The following ZNF398 variants were observed in gnomAD, a reference collection of about 807,000 sequenced individuals.
ZNF398 encodes the protein zinc finger DNA binding protein ZER6.
A neutral mutation model predicts 41.9 loss-of-function variants in ZNF398; 18 were observed. The ratio of observed to expected loss-of-function variants is 0.43; its 90% CI spans 0.30 to 0.64. ZNF398 has a LOEUF of 0.64. Ranked by LOEUF, ZNF398 falls within the 30% of genes least tolerant of loss-of-function variation. ZNF398 has a pLI of 0.14. For missense variants in ZNF398, 669 were observed against 822.8 expected (o/e 0.81, Z 2.29); for synonymous variants, 260 against 308.8 (o/e 0.84, Z 1.66).
In ZNF398 at chr7:149,178,159, G is replaced by A. The variant is rs1795502999; in HGVS notation, c.776-489G>A. On this transcript the variant is annotated intron_variant, in intron 5 of 5. Coordinates refer to ENST00000475153, the MANE Select transcript of ZNF398 (RefSeq NM_170686.3). ...ACAAAAAAATTAGTTGGGCGTAGTG[G>A]CGGGTGCCTGTAGTCCCAGCTACTC... Among the ~76,000 whole-genome samples, 3 of 152,056 alleles carry A rather than the reference G, an allele frequency of 2.0e-5. No individual in the cohort carries two copies. In the South Asian group the frequency reaches 6.2e-4, roughly 31 times the overall value.
intron 2 of ZNF398, among the ~76,000 whole-genome samples, chr7:149,134,606 A>T (rs1826673146): frequency 6.6e-6 from 1 of 152,170 alleles, no homozygotes; most frequent in Admixed American, 6.6e-5. Flanking sequence ...TTCAACTCTG[A>T]GTACTTTTAA....
At chr7:149,176,071 G>A (rs1020318192) in intron 4 of ZNF398, among the ~76,000 whole-genome samples, 7 of 152,162 alleles carry the variant, frequency 4.6e-5, no homozygotes, top group African/African-American at 1.7e-4. Flanking sequence ...GGTGGCTCAA[G>A]CCTGTAATCC....
At chr7:149,141,447 CTTTTTTTTCTT>C (rs1417254726) in intron 2 of ZNF398, among the ~76,000 whole-genome samples, 1,428 of 116,864 alleles carry the variant, frequency 0.012, 31 homozygotes, top group African/African-American at 0.038. Context: ...AGCTACTTTT[CTTTTTTTTCTT>C]TTTTTTTTTT....
intron 1 of ZNF398, among the ~76,000 whole-genome samples, chr7:149,149,872 C>A (rs1279088153): frequency 6.6e-6 from 1 of 151,994 alleles, no homozygotes; most frequent in African/African-American, 2.4e-5. Flanking sequence ...CATACTAAGT[C>A]TTCAAAGTCT....
chr7:149,176,495 T>C lies in ZNF398; in HGVS notation c.689T>C (p.Leu230Pro). 6.2e-7 allele frequency: 1 copy of C among 1,613,948 alleles called. No homozygotes were observed. Among genetic ancestry groups the C allele is most frequent in the East Asian group, 2.2e-5 (1 of 44,872 alleles). Reference protein sequence around the residue: ...EEPGISTSDILSWIKQEEEPQ... With the variant: ...EEPGISTSDIPSWIKQEEEPQ... Reference sequence around the variant, plus strand: ...CCTGGTATTTCAACATCAGATATTCTGTCTTGGATTAAACAAGAAGAAGAG... The same window carrying C: ...CCTGGTATTTCAACATCAGATATTCCGTCTTGGATTAAACAAGAAGAAGAG... The change falls in exon 5 of 6, where the codon CTG becomes CCG. Residue 230 changes from leucine (L) to proline (P), a missense_variant. Around this residue, in one of 3 missense-constraint regions of ZNF398, gnomAD observed 290 missense variants for 292.9 expected, o/e 0.99. Coordinates refer to ENST00000475153, the MANE Select transcript of ZNF398 (RefSeq NM_170686.3).
intron 2 of ZNF398, among the ~76,000 whole-genome samples, chr7:149,160,649 T>C (rs902617229): frequency 1.2e-4 from 18 of 152,362 alleles, no homozygotes; most frequent in African/African-American, 4.1e-4. Context: ...ATTTTAGTTA[T>C]CTCAATGCTT....
At position 149,179,361 on chromosome 7, in the gene ZNF398, G is replaced by A; in HGVS notation, c.1489G>A (p.Ala497Thr). ...TGGCATTGACTTCAACGGCCACTCG[G>A]CCCTGATCCGCCACCAGATGATCCA... is the stretch of plus-strand genomic sequence containing the variant. ...QCGIDFNGHS[A>T]LIRHQMIHTG... Residue 497 changes from alanine to threonine, a missense_variant, in exon 6 of 6, where the codon GCC (alanine) becomes ACC (threonine). Physicochemically the swap from Ala to Thr is moderately conservative, Grantham distance 58. Around this residue, in one of 3 missense-constraint regions of ZNF398, gnomAD observed 210 missense variants for 290.4 expected, o/e 0.72. Transcript: ENST00000475153. This position sits in a 1 kb window ranked among gnomAD's most constrained non-coding sequence, Gnocchi z 6.1. 1 of 1,612,412 alleles carries A rather than the reference G, an allele frequency of 6.2e-7. No homozygotes were observed. The highest frequency in any genetic ancestry group is 8.5e-7 in the Non-Finnish European group (1 of 1,179,698).
chr7:149,176,477 T>G lies in ZNF398; in HGVS notation c.671T>G (p.Ile224Ser). Residue 224 changes from isoleucine to serine, a missense_variant, in exon 5 of 6, where the codon ATT becomes AGT. Around this residue, in one of 3 missense-constraint regions of ZNF398, gnomAD observed 290 missense variants for 292.9 expected, o/e 0.99. Coordinates refer to ENST00000475153, the MANE Select transcript of ZNF398 (RefSeq NM_170686.3). Reference protein sequence around the residue: ...IPTDPSEEPGISTSDILSWIK... With the variant: ...IPTDPSEEPGSSTSDILSWIK... Reference sequence around the variant, plus strand: ...TCCTCCCACAAATTAGAGCCTGGTATTTCAACATCAGATATTCTGTCTTGG... The same window carrying G: ...TCCTCCCACAAATTAGAGCCTGGTAGTTCAACATCAGATATTCTGTCTTGG... 8 of 1,613,668 alleles carry G rather than the reference T, an allele frequency of 5.0e-6. No homozygotes were observed. The highest frequency in any genetic ancestry group is 6.8e-6 in the Non-Finnish European group (8 of 1,179,616).
intron 1 of ZNF398, chr7:149,148,300 T>A (rs1827012987): frequency 3.8e-6 from 1 of 262,054 alleles, no homozygotes; most frequent in Non-Finnish European, 5.9e-6. Context: ...ACCCGGAGGC[T>A]GGAGTGGCCT....
At chr7:149,150,406 C>T (rs1262394070) in intron 1 of ZNF398, among the ~76,000 whole-genome samples, 1 of 152,034 alleles carries the variant, frequency 6.6e-6, no homozygotes, top group East Asian at 1.9e-4. Context: ...TGAGACCAGC[C>T]TAGGCAATAT....
intron 2 of ZNF398, among the ~76,000 whole-genome samples, chr7:149,164,331 C>T (rs1020188360): frequency 1.3e-5 from 2 of 151,618 alleles, no homozygotes; most frequent in East Asian, 3.9e-4. Context: ...GGCGTGAACC[C>T]GGGAGGCAGA....
chr7:149,166,349 C>G, intron 3 of ZNF398, 65 bp downstream of exon 3: 10 of 1,588,228 alleles, frequency 6.3e-6, no homozygotes, highest in Non-Finnish European at 8.6e-6. Context: ...AGAACAGTCC[C>G]TTTTCCTCCA....
chr7:149,176,863 A>T (rs1301889184), intron 5 of ZNF398, among the ~76,000 whole-genome samples: 3 of 152,228 alleles, frequency 2.0e-5, no homozygotes, highest in African/African-American at 7.2e-5. Flanking sequence ...GAAAGACAGA[A>T]GACGATTTGA....
chr7:149,164,250 AC>A (rs1174965936), intron 2 of ZNF398, among the ~76,000 whole-genome samples: 40 of 151,060 alleles, frequency 2.6e-4, no homozygotes, highest in African/African-American at 9.7e-4. Context: ...TACTAAAAAT[AC>A]AAAAAATTAG....
chr7:149,162,018 A>G (rs1795114312), intron 2 of ZNF398, among the ~76,000 whole-genome samples: 1 of 152,052 alleles, frequency 6.6e-6, no homozygotes, highest in Non-Finnish European at 1.5e-5. Flanking sequence ...TTAGAGATTT[A>G]TTTTTATTTT....
At chr7:149,144,959 A>G (rs1000795794), upstream of ZNF398, among the ~76,000 whole-genome samples, 3 of 152,094 alleles carry the variant, frequency 2.0e-5, no homozygotes, top group Non-Finnish European at 4.4e-5. Flanking sequence ...TCAGATTATT[A>G]TTTTTTTGTA....
At chr7:149,144,270 A>C (rs1214302347), upstream of ZNF398, among the ~76,000 whole-genome samples, 1 of 152,218 alleles carries the variant, frequency 6.6e-6, no homozygotes, top group Admixed American at 6.5e-5. Context: ...AGCATCTGAC[A>C]GAAATTGTTG....
At chr7:149,136,602 C>G (rs564781363) in intron 2 of ZNF398, among the ~76,000 whole-genome samples, 79 of 152,172 alleles carry the variant, frequency 5.2e-4, no homozygotes, top group African/African-American at 1.9e-3. Flanking sequence ...GAGTCTTACA[C>G]TGTCACCCAG....
rs59895177 is a variant in ZNF398 at position 149,148,863 on chromosome 7, CTTTTTTTTTTTTTT to C, written c.24+1112_24+1125del. ...TTTATGCACGGACCTTTTTCTTTGT[CTTTTTTTTTTTTTT>C]TTTTTTTTTTTTTTAGCTCATCAGC... On this transcript the variant is annotated intron_variant, in intron 1 of 5. Coordinates refer to ENST00000475153, the MANE Select transcript of ZNF398 (RefSeq NM_170686.3). Among the ~76,000 whole-genome samples the C allele has an allele frequency of 9.5e-5, 6 of 63,282 alleles. 1 individual carries two copies. Among genetic ancestry groups the C allele is most frequent in the African/African-American group, 2.1e-4 (3 of 14,454 alleles). 41.5% of individuals were successfully genotyped at this position (63,282 alleles called of 152,430 possible). A position where few individuals can be genotyped will look rare whatever the true frequency, so the allele number is the denominator to read the frequency against.
Sources: allele counts gnomAD v4.1 joint callset (sites outside exome capture counted in the v4.1 genomes callset), GRCh38; gene constraint gnomAD v4.1.1; regional missense constraint gnomAD v4.1.1; non-coding constraint Gnocchi (gnomAD v3.1); transcripts MANE v1.5; gene names NCBI Gene and HGNC (gene_info 2026-07-23, HGNC 2026-07-21).